Variants in OSBPL1A observed in about 807,000 individuals in gnomAD.
OSBPL1A encodes oxysterol-binding protein-related protein 1.
OSBPL1A carries 80 observed loss-of-function variants against 137.1 expected under a neutral mutation model. The observed-to-expected ratio is 0.58, with a 90% CI of 0.49 to 0.70. The LOEUF (loss-of-function observed/expected upper bound fraction) is 0.70, where lower values mean the gene tolerates loss of function less well. Among genes scored for constraint, OSBPL1A ranks in the 30% least tolerant of loss-of-function variants. The pLI is 0.00. For synonymous variants in OSBPL1A, 365 were observed against 389.7 expected, an observed-to-expected ratio of 0.94 and a Z score of 0.75; for missense variants, 970 against 1,129.4, an observed-to-expected ratio of 0.86 and a Z score of 2.02.
At chr18:24,385,838 C>T (rs1906929633) in intron 1 of OSBPL1A, among the ~76,000 whole-genome samples, 1 of 152,158 alleles carries the variant, frequency 6.6e-6, no homozygotes, top group African/African-American at 2.4e-5. Context: ...AAAGTAACAG[C>T]TTCACTTTTA....
chr18:24,366,607 T>TA (rs1443095779), intron 4 of OSBPL1A: 237 of 270,100 alleles, frequency 8.8e-4, no homozygotes, highest in Middle Eastern at 2.0e-3. Flanking sequence ...TATTTTTTTT[T>TA]TAAAAAAAAG....
chr18:24,378,277 A>G (rs1906340108), intron 1 of OSBPL1A, among the ~76,000 whole-genome samples: 1 of 152,222 alleles, frequency 6.6e-6, no homozygotes, highest in South Asian at 2.1e-4. Context: ...AGCAAAAATA[A>G]AAAAAGACAA....
At chr18:24,351,613 C>T (rs1036440612) in intron 4 of OSBPL1A, among the ~76,000 whole-genome samples, 2 of 152,250 alleles carry the variant, frequency 1.3e-5, no homozygotes, top group Non-Finnish European at 1.5e-5. Context: ...AATCTTGGCT[C>T]GCTGCAACCT....
chr18:24,270,252 G>A (rs993438738), intron 15 of OSBPL1A, among the ~76,000 whole-genome samples: 1 of 152,190 alleles, frequency 6.6e-6, no homozygotes, highest in Non-Finnish European at 1.5e-5. Context: ...ATGGAGCTTA[G>A]ATTATGATGT....
intron 14 of OSBPL1A, among the ~76,000 whole-genome samples, chr18:24,298,914 T>C (rs1415823151): frequency 2.0e-5 from 3 of 152,206 alleles, no homozygotes; most frequent in Admixed American, 6.5e-5. Context: ...GGAGCTCCAG[T>C]GTTAGGTGGA....
chr18:24,164,440 T>TC (rs2086094877), intron 27 of OSBPL1A, among the ~76,000 whole-genome samples: 1 of 140,216 alleles, frequency 7.1e-6, no homozygotes, highest in African/African-American at 2.7e-5. Flanking sequence ...TTTTTTTTTT[T>TC]TTTTTTGAGA....
chr18:24,255,046 G>A (rs151260232), intron 15 of OSBPL1A, among the ~76,000 whole-genome samples: 6 of 152,112 alleles, frequency 3.9e-5, no homozygotes, highest in African/African-American at 1.4e-4. Flanking sequence ...GAAATCCAAA[G>A]GATCATTAGT....
At chr18:24,167,136 G>A (rs780154989) in intron 25 of OSBPL1A, among the ~76,000 whole-genome samples, 193 bp downstream of exon 25, 12 of 152,312 alleles carry the variant, frequency 7.9e-5, no homozygotes, top group South Asian at 2.1e-4. Context: ...CCAGATGCCA[G>A]AGGGATGGAC....
intron 7 of OSBPL1A, among the ~76,000 whole-genome samples, chr18:24,326,196 G>A (rs1190026035): frequency 6.6e-6 from 1 of 152,226 alleles, no homozygotes; most frequent in Non-Finnish European, 1.5e-5. Context: ...CATAAGGTGA[G>A]CCATGATGAC....
At chr18:24,362,244 T>TA (rs138666209) in intron 4 of OSBPL1A, among the ~76,000 whole-genome samples, 3,225 of 150,244 alleles carry the variant, frequency 0.021, 97 homozygotes, top group African/African-American at 0.072. Context: ...AGCAAGACCA[T>TA]AAAAAAAAAC....
At chr18:24,186,018 T>C (rs1453585154) in intron 18 of OSBPL1A, among the ~76,000 whole-genome samples, 3 of 152,148 alleles carry the variant, frequency 2.0e-5, no homozygotes, top group Non-Finnish European at 4.4e-5. Flanking sequence ...TAGTGAATCA[T>C]GTTCGTGCCA....
chr18:24,255,822 T>C (rs373802258), intron 15 of OSBPL1A, among the ~76,000 whole-genome samples: 2 of 151,060 alleles, frequency 1.3e-5, no homozygotes, highest in African/African-American at 4.9e-5. Flanking sequence ...AGTGGTGCGC[T>C]CTCTGCTCAC....
At chr18:24,341,234 T>C (rs970180835) in intron 5 of OSBPL1A, among the ~76,000 whole-genome samples, 4 of 152,194 alleles carry the variant, frequency 2.6e-5, no homozygotes, top group African/African-American at 4.8e-5. Flanking sequence ...CTAGAACTCC[T>C]AACCTCAAGT....
intron 5 of OSBPL1A, among the ~76,000 whole-genome samples, chr18:24,340,584 C>A (rs141440347): frequency 0.065 from 9,855 of 152,180 alleles, 402 homozygotes; most frequent in Middle Eastern, 0.095. Context: ...GTGGGAAGAT[C>A]ACCTGAGGTC....
At chr18:24,324,221 C>CA (rs537148362) in intron 7 of OSBPL1A, among the ~76,000 whole-genome samples, 4,667 of 47,816 alleles carry the variant, frequency 0.098, 1,114 homozygotes, top group East Asian at 0.18. Flanking sequence ...GACTCCGTCT[C>CA]AAAAAAAAAA....
chr18:24,316,369 A>G (rs2090734897), intron 11 of OSBPL1A, among the ~76,000 whole-genome samples: 1 of 152,186 alleles, frequency 6.6e-6, no homozygotes, highest in Admixed American at 6.5e-5. Context: ...TTAAAAGGCA[A>G]AAATTGCCAG....
chr18:24,193,466 CA>C (rs1453543546), intron 18 of OSBPL1A, among the ~76,000 whole-genome samples: 2 of 138,166 alleles, frequency 1.4e-5, no homozygotes, highest in East Asian at 4.4e-4. Flanking sequence ...CCAGCCTGGG[CA>C]ACAAAGTGAG....
At chr18:24,336,537 G>T (rs1313968268) in intron 5 of OSBPL1A, among the ~76,000 whole-genome samples, 1 of 152,026 alleles carries the variant, frequency 6.6e-6, no homozygotes, top group African/African-American at 2.4e-5. Flanking sequence ...CGTTCTAAAG[G>T]AGCTATACAT....
At position 24,250,174 on chromosome 18, in the gene OSBPL1A, G is replaced by GTTTTTTTTTTTTTTTTTTTTTTTTTTT. The variant is rs1233264916; in HGVS notation, c.1282-10793_1282-10792insAAAAAAAAAAAAAAAAAAAAAAAAAAA. On this transcript the variant is annotated intron_variant, in intron 15 of 27. Transcript: ENST00000319481. Reference sequence around the variant, plus strand: ...TGTGTTTTTGTTTGTTTGTTTGTTTGTTTGTTTGTTTGTTTTTTTTGACAT... The same window carrying GTTTTTTTTTTTTTTTTTTTTTTTTTTT: ...TGTGTTTTTGTTTGTTTGTTTGTTTGTTTTTTTTTTTTTTTTTTTTTTTTTTTTTTGTTTGTTTGTTTTTTTTGACAT... Among the ~76,000 whole-genome samples the GTTTTTTTTTTTTTTTTTTTTTTTTTTT allele has an allele frequency of 5.3e-5, 4 of 75,350 alleles. 1 individual carries two copies. The highest frequency in any genetic ancestry group is 2.6e-5 in the Non-Finnish European group (1 of 38,836). 49.4% of individuals were successfully genotyped at this position (75,350 alleles called of 152,430 possible).
Sources: gnomAD v4.1 joint callset for allele counts (sites outside exome capture counted in the v4.1 genomes callset) on GRCh38, gnomAD v4.1.1 for gene constraint, MANE v1.5 for transcripts, NCBI Gene and HGNC (gene_info 2026-07-23, HGNC 2026-07-21) for gene names.